TMEM74: variants seen among roughly 807,000 people sequenced by gnomAD.
TMEM74 encodes the protein transmembrane protein 74.
A neutral mutation model predicts 18.1 loss-of-function variants in TMEM74; 13 were observed. The ratio of observed to expected loss-of-function variants is 0.72; its 90% CI spans 0.47 to 1.14. TMEM74 has a LOEUF of 1.14. Ranked by LOEUF, TMEM74 falls within the 50% of genes most tolerant of loss-of-function variation. TMEM74 has a pLI of 0.00. For missense variants in TMEM74, 372 were observed against 375.9 expected (o/e 0.99, Z 0.09); for synonymous variants, 159 against 146.6 (o/e 1.08, Z -0.61).
At chr8:108,680,647 T>A (rs954608889) in intron 1 of TMEM74, among the ~76,000 whole-genome samples, 3 of 152,162 alleles carry the variant, frequency 2.0e-5, no homozygotes, top group Non-Finnish European at 2.9e-5. Flanking sequence ...TTCAACATAG[T>A]GTTGGAAGTT....
At chr8:108,685,073 T>A (rs1309721312) in intron 1 of TMEM74, among the ~76,000 whole-genome samples, 1 of 152,152 alleles carries the variant, frequency 6.6e-6, no homozygotes. Context: ...GAGCATGGGA[T>A]GTCTTTCTAT....
intron 1 of TMEM74, among the ~76,000 whole-genome samples, chr8:108,722,286 G>A (rs1424229037): frequency 6.6e-6 from 1 of 152,192 alleles, no homozygotes; most frequent in Admixed American, 6.5e-5. Context: ...TTTGCAGGGT[G>A]TGAGGAGCAC....
At chr8:108,721,193 C>T (rs1813584187) in intron 1 of TMEM74, among the ~76,000 whole-genome samples, 1 of 152,120 alleles carries the variant, frequency 6.6e-6, no homozygotes, top group African/African-American at 2.4e-5. Flanking sequence ...ACATTGTCCC[C>T]AACCTCTGTA....
At chr8:108,640,115 CTTTTTTTTTTT>C (rs35455409) in intron 2 of TMEM74, among the ~76,000 whole-genome samples, 2 of 78,888 alleles carry the variant, frequency 2.5e-5, no homozygotes, top group African/African-American at 5.3e-5. Context: ...ATAGTAATCA[CTTTTTTTTTTT>C]TTTTTTTTTT....
chr8:108,782,433 T>TTTACTTAATAATTAC lies in TMEM74; in HGVS notation c.*1747_*1748insGTAATTATTAAGTAA, dbSNP rs1395643411. Among the ~76,000 whole-genome samples the TTTACTTAATAATTAC allele has an allele frequency of 2.6e-5, 4 of 152,206 alleles. No homozygotes were observed. The highest frequency in any genetic ancestry group is 6.5e-5 in the Admixed American group (1 of 15,282). The stretch of plus-strand genomic sequence containing the variant: ...TCTGATGGCCATATAATTTCTCATT[T>TTTACTTAATAATTAC]TTACTTAATAATTCTTTCATATGCC... On this transcript the variant is annotated 3_prime_UTR_variant, in exon 2 of 2. Coordinates refer to ENST00000297459, the MANE Select transcript of TMEM74 (RefSeq NM_153015.3).
At chr8:108,704,921 C>A (rs1019126904) in intron 1 of TMEM74, among the ~76,000 whole-genome samples, 4 of 152,288 alleles carry the variant, frequency 2.6e-5, no homozygotes, top group African/African-American at 9.6e-5. Context: ...CCTTGAGAGG[C>A]CTCAGAGATT....
intron 2 of TMEM74, among the ~76,000 whole-genome samples, chr8:108,618,507 G>A (rs1812408216): frequency 6.6e-6 from 1 of 152,120 alleles, no homozygotes; most frequent in African/African-American, 2.4e-5. Flanking sequence ...GTTTCAGCTT[G>A]AATGTATTGG....
intron 1 of TMEM74, among the ~76,000 whole-genome samples, chr8:108,664,490 C>T (rs1393762077): frequency 6.6e-6 from 1 of 152,058 alleles, no homozygotes; most frequent in African/African-American, 2.4e-5. Context: ...GATTTTGTAT[C>T]TCAAGACTTC....
rs550829515 is a variant in TMEM74, at chr8:108,724,268, T to C, written n.119+63208A>G. On this transcript the variant is annotated intron_variant and non_coding_transcript_variant, in intron 1 of 3. Coordinates refer to the TMEM74 transcript ENST00000518838. ...CATGTTTCCCAAAACACATATTCTA[T>C]TCCAGTTACTGGTTTATAGGCTTGT... 1.4e-3 allele frequency among the ~76,000 whole-genome samples: 211 copies of C among 152,226 alleles called. 2 individuals are homozygous for C. Among genetic ancestry groups the C allele is most frequent in the Non-Finnish European group, 2.4e-3 (166 of 68,040 alleles).
intron 2 of TMEM74, among the ~76,000 whole-genome samples, chr8:108,634,647 C>G (rs939133900): frequency 6.6e-6 from 1 of 152,012 alleles, no homozygotes; most frequent in African/African-American, 2.4e-5. Context: ...ACTCTTCACT[C>G]TAAGAAAACC....
At position 108,753,593 on chromosome 8, in the gene TMEM74, G is replaced by A. The variant is rs531884653; in HGVS notation, n.119+33883C>T. On this transcript the variant is annotated intron_variant and non_coding_transcript_variant, in intron 1 of 3. Coordinates refer to the TMEM74 transcript ENST00000518838. ...TCATTTGTTGAGTTTCATACTTCAA[G>A]GACACCAATTGTACTTACTAAAGAT... Among the ~76,000 whole-genome samples the A allele has an allele frequency of 5.3e-5, 8 of 152,104 alleles. No homozygotes were observed. In the South Asian group the frequency reaches 1.2e-3, roughly 24 times the overall value.
chr8:108,621,757 T>C (rs1874681), intron 2 of TMEM74, among the ~76,000 whole-genome samples: 18,675 of 152,112 alleles, frequency 0.12, 1,557 homozygotes, highest in East Asian at 0.43. Flanking sequence ...GTGAACTTGG[T>C]TGAGTTATTT....
intron 1 of TMEM74, among the ~76,000 whole-genome samples, chr8:108,688,428 A>G (rs772221591): frequency 6.6e-5 from 10 of 152,288 alleles, no homozygotes; most frequent in South Asian, 2.1e-4. Context: ...AAGTTTCCCA[A>G]TCATACTCCC....
At chr8:108,751,718 A>G (rs1440404575) in intron 1 of TMEM74, among the ~76,000 whole-genome samples, 1 of 152,120 alleles carries the variant, frequency 6.6e-6, no homozygotes, top group Non-Finnish European at 1.5e-5. Flanking sequence ...TTTTTCTATT[A>G]ACAATGACAA....
At chr8:108,738,034 T>A (rs1421531384) in intron 1 of TMEM74, among the ~76,000 whole-genome samples, 1 of 152,184 alleles carries the variant, frequency 6.6e-6, no homozygotes, top group Admixed American at 6.5e-5. Flanking sequence ...TCTCTTTAAC[T>A]GATCTCTGTT....
intron 2 of TMEM74, among the ~76,000 whole-genome samples, chr8:108,616,001 G>T (rs1347286451): frequency 6.6e-6 from 1 of 151,994 alleles, no homozygotes; most frequent in Non-Finnish European, 1.5e-5. Flanking sequence ...TGGCCAGGAT[G>T]GTCTCAATCT....
intron 1 of TMEM74, among the ~76,000 whole-genome samples, chr8:108,658,427 C>T (rs1812867566): frequency 6.6e-6 from 1 of 152,018 alleles, no homozygotes; most frequent in Admixed American, 6.6e-5. Flanking sequence ...CCCTAATGTG[C>T]TGAGATAGAC....
chr8:108,776,295 C>G (rs1283401939), downstream of TMEM74, among the ~76,000 whole-genome samples: 5 of 152,208 alleles, frequency 3.3e-5, no homozygotes, highest in Admixed American at 3.3e-4. Context: ...GAGGTTGAGA[C>G]CAGCCTGGCT....
intron 2 of TMEM74, among the ~76,000 whole-genome samples, chr8:108,623,481 A>C (rs1401010732): frequency 6.6e-6 from 1 of 151,988 alleles, no homozygotes; most frequent in Non-Finnish European, 1.5e-5. Context: ...TGCAGATAAC[A>C]GTGTTTCTAT....
Sources: gnomAD v4.1 joint callset for allele counts (sites outside exome capture counted in the v4.1 genomes callset) on GRCh38, gnomAD v4.1.1 for gene constraint, MANE v1.5 for transcripts, NCBI Gene and HGNC (gene_info 2026-07-23, HGNC 2026-07-21) for gene names.